GPM6A: variants seen among roughly 807,000 people sequenced by gnomAD.
The protein encoded by GPM6A is neuronal membrane glycoprotein M6-a.
GPM6A carries 7 observed loss-of-function variants against 32.1 expected under a neutral mutation model. The observed-to-expected ratio is 0.22, with a 90% CI of 0.12 to 0.41. The LOEUF is 0.41. GPM6A is among the 10% of genes least tolerant of loss of function. GPM6A has a pLI of 1.00. For missense variants in GPM6A, 235 were observed against 347.2 expected (o/e 0.68, Z 2.57); for synonymous variants, 130 against 123.4 (o/e 1.05, Z -0.35).
At chr4:175,757,747 A>G (rs1732584377) in intron 1 of GPM6A, among the ~76,000 whole-genome samples, 1 of 152,186 alleles carries the variant, frequency 6.6e-6, no homozygotes, top group Non-Finnish European at 1.5e-5. Flanking sequence ...TCATATGCTC[A>G]TTAGAAAGCA....
chr4:175,727,319 C>T (rs1731213103), intron 1 of GPM6A, among the ~76,000 whole-genome samples: 1 of 152,146 alleles, frequency 6.6e-6, no homozygotes, highest in Non-Finnish European at 1.5e-5. Context: ...TTAGTTCACT[C>T]ATATCAGAAC....
intron 1 of GPM6A, among the ~76,000 whole-genome samples, chr4:175,928,934 TTGTC>T (rs1387458295): frequency 1.3e-5 from 2 of 152,216 alleles, no homozygotes; most frequent in African/African-American, 4.8e-5. Context: ...ATGGATACAG[TTGTC>T]TGAGAATACA....
intron 1 of GPM6A, among the ~76,000 whole-genome samples, chr4:175,778,554 G>A (rs1209524842): frequency 6.8e-6 from 1 of 147,164 alleles, no homozygotes; most frequent in Non-Finnish European, 1.5e-5. Flanking sequence ...GAACCTGGGA[G>A]GTGGAGGTTG....
intron 1 of GPM6A, among the ~76,000 whole-genome samples, chr4:175,920,073 G>A (rs1738617096): frequency 6.6e-6 from 1 of 152,338 alleles, no homozygotes; most frequent in African/African-American, 2.4e-5. Flanking sequence ...GATGGAGCTT[G>A]GCTTACGCCA....
At chr4:175,799,820 G>A (rs922958103) in intron 1 of GPM6A, among the ~76,000 whole-genome samples, 2 of 150,850 alleles carry the variant, frequency 1.3e-5, no homozygotes, top group South Asian at 2.1e-4. Flanking sequence ...GACTACAGGC[G>A]CCCGCCACCG....
At chr4:175,742,070 A>G (rs1731908471) in intron 1 of GPM6A, among the ~76,000 whole-genome samples, 2 of 152,118 alleles carry the variant, frequency 1.3e-5, no homozygotes, top group African/African-American at 4.8e-5. Context: ...TACATAAAAT[A>G]ATTTAGAAAG....
intron 1 of GPM6A, among the ~76,000 whole-genome samples, chr4:175,741,594 A>G (rs906009750): frequency 1.3e-5 from 2 of 152,040 alleles, no homozygotes; most frequent in Non-Finnish European, 2.9e-5. Flanking sequence ...AAATTTACCA[A>G]ATAAATAGGT....
At chr4:175,974,358 A>G (rs189911029) in intron 1 of GPM6A, among the ~76,000 whole-genome samples, 1 of 150,674 alleles carries the variant, frequency 6.6e-6, no homozygotes, top group African/African-American at 2.5e-5. Flanking sequence ...TGTTTGTTTG[A>G]TCGATTGTTT....
At chr4:175,990,021 C>T (rs976464745) in intron 1 of GPM6A, among the ~76,000 whole-genome samples, 1 of 152,148 alleles carries the variant, frequency 6.6e-6, no homozygotes, top group Admixed American at 6.5e-5. Flanking sequence ...CCAGATCATC[C>T]TCCTACTTAA....
At chr4:175,693,734 T>C (rs1376824025) in intron 2 of GPM6A, among the ~76,000 whole-genome samples, 2 of 152,180 alleles carry the variant, frequency 1.3e-5, no homozygotes, top group Admixed American at 6.6e-5. Flanking sequence ...GGAATGAAAC[T>C]ATCGTGTTCT....
intron 1 of GPM6A, among the ~76,000 whole-genome samples, chr4:175,741,744 C>T (rs942120699): frequency 6.6e-6 from 1 of 152,112 alleles, no homozygotes; most frequent in Non-Finnish European, 1.5e-5. Context: ...CACTGCTTAG[C>T]ATGGTAATTA....
At chr4:175,794,664 T>C (rs1278203767) in intron 1 of GPM6A, among the ~76,000 whole-genome samples, 1 of 152,182 alleles carries the variant, frequency 6.6e-6, no homozygotes, top group Non-Finnish European at 1.5e-5. Flanking sequence ...ATGATGAATA[T>C]GGAAGCCTGG....
intron 2 of GPM6A, among the ~76,000 whole-genome samples, chr4:175,687,405 T>G (rs769042668): frequency 6.6e-6 from 1 of 152,012 alleles, no homozygotes; most frequent in African/African-American, 2.4e-5. Context: ...AGATAGTTCA[T>G]ATAAATAAAA....
Position 175,634,805 on chromosome 4 carries a change from T to C in GPM6A, c.*100A>G. The stretch of plus-strand genomic sequence containing the variant: ...CATAAGTCACCTTACATATCATTGA[T>C]GAGAAGCACTTTCGTTTTGTTTTTT... On this transcript the variant is annotated 3_prime_UTR_variant, in exon 7 of 7. Transcript: ENST00000393658. 1 of 864,882 alleles carries C rather than the reference T, an allele frequency of 1.2e-6. No homozygotes were observed. Among genetic ancestry groups the C allele is most frequent in the South Asian group, 1.5e-5 (1 of 64,562 alleles). 53.6% of individuals were successfully genotyped at this position (864,882 alleles called of 1,614,324 possible).
intron 1 of GPM6A, among the ~76,000 whole-genome samples, chr4:175,732,587 A>G (rs1579439192): frequency 6.6e-6 from 1 of 152,172 alleles, no homozygotes; most frequent in African/African-American, 2.4e-5. Context: ...CCAGGTAACA[A>G]AGATTTCATC....
intron 1 of GPM6A, among the ~76,000 whole-genome samples, chr4:175,819,855 A>G (rs2111347421): frequency 6.6e-6 from 1 of 152,284 alleles, no homozygotes; most frequent in East Asian, 1.9e-4. Context: ...CCATATGCCC[A>G]ACATGTTGCC....
intron 2 of GPM6A, among the ~76,000 whole-genome samples, chr4:175,689,023 T>G (rs1051798173): frequency 2.0e-5 from 3 of 152,116 alleles, no homozygotes; most frequent in African/African-American, 7.2e-5. Context: ...TGGCTAATTA[T>G]TCTACTTTTT....
At chr4:175,865,774 G>T (rs960135427) in intron 1 of GPM6A, among the ~76,000 whole-genome samples, 1 of 151,580 alleles carries the variant, frequency 6.6e-6, no homozygotes, top group Non-Finnish European at 1.5e-5. Flanking sequence ...TGTCTATTCT[G>T]CTGAGGAATA....
chr4:175,864,582 C>A (rs2111426707), intron 1 of GPM6A, among the ~76,000 whole-genome samples: 1 of 152,242 alleles, frequency 6.6e-6, no homozygotes, highest in East Asian at 1.9e-4. Context: ...AATATGTTTT[C>A]TATGGCCAAA....
Sources: allele counts gnomAD v4.1 joint callset (sites outside exome capture counted in the v4.1 genomes callset), GRCh38; gene constraint gnomAD v4.1.1; transcripts MANE v1.5; gene names NCBI Gene and HGNC (gene_info 2026-07-23, HGNC 2026-07-21).